ETV1: variants seen among roughly 807,000 people sequenced by gnomAD.
ETV1 encodes the protein ETS translocation variant 1.
ETV1 carries 27 observed loss-of-function variants against 62.3 expected under a neutral mutation model. The ratio of observed to expected loss-of-function variants is 0.43; its 90% CI spans 0.32 to 0.60. The LOEUF is 0.60. Ranked by LOEUF, ETV1 falls within the 20% of genes least tolerant of loss-of-function variation. ETV1 has a pLI of 0.06. For missense variants in ETV1, 605 were observed against 605.8 expected, an observed-to-expected ratio of 1.00 and a Z score of 0.01; for synonymous variants, 222 against 199.6, an observed-to-expected ratio of 1.11 and a Z score of -0.94.
In ETV1 at chr7:13,953,010, G is replaced by T. The variant is rs1789008819; in HGVS notation, c.236-13764C>A. Among the ~76,000 whole-genome samples the T allele has an allele frequency of 4.6e-5, 7 of 152,276 alleles. No individual in the cohort carries two copies. In the South Asian group the frequency reaches 1.2e-3, roughly 27 times the overall value. On this transcript the variant is annotated intron_variant, in intron 6 of 13. Coordinates refer to ENST00000430479, the MANE Select transcript of ETV1 (RefSeq NM_004956.5). ...AAAGGATAAGAACAGGGAAAGGAAG[G>T]CCTAATGTATGAACAATCCAAATCT...
chr7:13,945,975 G>C (rs1263956068), intron 6 of ETV1, among the ~76,000 whole-genome samples: 3 of 152,172 alleles, frequency 2.0e-5, no homozygotes, highest in African/African-American at 7.2e-5. Flanking sequence ...GAGGCTGCTA[G>C]GTACTTTTCA....
chr7:13,918,600 AATC>A (rs201091089), intron 9 of ETV1, among the ~76,000 whole-genome samples: 7,702 of 152,084 alleles, frequency 0.051, 240 homozygotes, highest in East Asian at 0.14. Flanking sequence ...TGAAATTGGA[AATC>A]ATCATTCTCA....
intron 6 of ETV1, among the ~76,000 whole-genome samples, chr7:13,973,006 C>G (rs2128495363): frequency 6.6e-6 from 1 of 152,318 alleles, no homozygotes; most frequent in South Asian, 2.1e-4. Context: ...TTCCACATTT[C>G]CAATTAAAAT....
intron 8 of ETV1, among the ~76,000 whole-genome samples, chr7:13,933,682 T>G (rs1303104090): frequency 6.6e-6 from 1 of 152,222 alleles, no homozygotes; most frequent in Non-Finnish European, 1.5e-5. Flanking sequence ...CTGTCATTTG[T>G]TGGCCAGAGC....
At chr7:13,896,722 A>C (rs2128400370) in intron 13 of ETV1, among the ~76,000 whole-genome samples, 1 of 129,722 alleles carries the variant, frequency 7.7e-6, no homozygotes, top group Admixed American at 8.2e-5. Flanking sequence ...GGAGAGAGAA[A>C]GAAAAAGAAA....
rs527451943 is a variant in ETV1, at chr7:13,987,853, G to A, written c.133+233C>T. Among the ~76,000 whole-genome samples the A allele has an allele frequency of 2.0e-5, 3 of 152,268 alleles. No homozygotes were observed. In the East Asian group the frequency reaches 5.8e-4, roughly 29 times the overall value. ...AACACAAAACAATGATTAAAAGAAG[G>A]TTGTCATTGAGAAGTTTTTATTTCC... On this transcript the variant is annotated intron_variant, in intron 4 of 13. Coordinates refer to ENST00000430479, the MANE Select transcript of ETV1 (RefSeq NM_004956.5).
chr7:13,922,240 A>G (rs1784921196), intron 9 of ETV1, among the ~76,000 whole-genome samples: 1 of 152,138 alleles, frequency 6.6e-6, no homozygotes, highest in Non-Finnish European at 1.5e-5. Flanking sequence ...GGGCCTTGAG[A>G]TAGACTGTTG....
chr7:13,965,806 A>T (rs1321946055), intron 6 of ETV1, among the ~76,000 whole-genome samples: 8 of 152,180 alleles, frequency 5.3e-5, no homozygotes, highest in Non-Finnish European at 1.0e-4. Flanking sequence ...TAGCCCTCAA[A>T]GAAAAATAAA....
At chr7:13,956,301 C>T (rs1019801533) in intron 6 of ETV1, among the ~76,000 whole-genome samples, 2 of 151,710 alleles carry the variant, frequency 1.3e-5, no homozygotes, top group Non-Finnish European at 2.9e-5. Flanking sequence ...GATACAACCT[C>T]CCAGCTGCTA....
intron 6 of ETV1, among the ~76,000 whole-genome samples, chr7:13,955,322 C>T (rs1203155671): frequency 2.0e-5 from 3 of 152,126 alleles, no homozygotes; most frequent in Non-Finnish European, 4.4e-5. Flanking sequence ...TAAGAATCCC[C>T]CCTCAAAATA....
intron 6 of ETV1, among the ~76,000 whole-genome samples, chr7:13,940,304 G>A (rs1280833532): frequency 6.6e-6 from 1 of 151,438 alleles, no homozygotes; most frequent in Admixed American, 6.6e-5. Context: ...GGAGGTTGCA[G>A]TGAGCCGAGA....
At chr7:13,952,576 T>C (rs889786879) in intron 6 of ETV1, among the ~76,000 whole-genome samples, 2 of 152,106 alleles carry the variant, frequency 1.3e-5, no homozygotes, top group African/African-American at 4.8e-5. Context: ...ATAATGCACG[T>C]TAGAAAGAGG....
At chr7:13,912,175 A>G (rs1783631613) in intron 9 of ETV1, among the ~76,000 whole-genome samples, 1 of 152,210 alleles carries the variant, frequency 6.6e-6, no homozygotes, top group Non-Finnish European at 1.5e-5. Flanking sequence ...GCCAGAGGAA[A>G]ACAGATAGGC....
chr7:13,917,915 G>A (rs1186569262), intron 9 of ETV1, among the ~76,000 whole-genome samples: 1 of 151,964 alleles, frequency 6.6e-6, no homozygotes, highest in African/African-American at 2.4e-5. Context: ...AGTGAGCCGA[G>A]ATCATGCCAC....
chr7:13,969,167 TG>T (rs1780614101), intron 6 of ETV1, among the ~76,000 whole-genome samples: 1 of 152,136 alleles, frequency 6.6e-6, no homozygotes, highest in South Asian at 2.1e-4. Context: ...TAATCAGCAT[TG>T]GGAAGTTCCT....
chr7:13,903,717 C>T (rs1381812467), intron 12 of ETV1, among the ~76,000 whole-genome samples: 3 of 144,824 alleles, frequency 2.1e-5, no homozygotes, highest in African/African-American at 5.2e-5. Flanking sequence ...GAGCCAAGGT[C>T]GCACCACTGC....
In ETV1 at chr7:13,977,627, ATT is replaced by A; in HGVS notation, c.182-149_182-148del. On this transcript the variant is annotated intron_variant, in intron 5 of 13. Coordinates refer to ENST00000430479, the MANE Select transcript of ETV1 (RefSeq NM_004956.5). ...CCAATGAGCTCCTATTTAAAATGGT[ATT>A]GACAACACTACTTAGGAGGAGAAAT... 4.8e-6 allele frequency: 3 copies of A among 623,094 alleles called. No homozygotes were observed. The East Asian group carries it at 8.3e-5, about 17-fold the overall frequency. The allele number at this position is 623,094 out of a possible 1,614,324, so 38.6% of individuals were successfully genotyped here.
chr7:13,910,578 T>C lies in ETV1; in HGVS notation c.871+661A>G, dbSNP rs992880444. ...CAATATTAGACCTAGCCTAAAAGAA[T>C]GCATCCAAGTCAATCCTATTAAAGA... On this transcript the variant is annotated intron_variant, in intron 10 of 13. Coordinates refer to ENST00000430479, the MANE Select transcript of ETV1 (RefSeq NM_004956.5). 3 of 315,156 alleles carry C rather than the reference T, an allele frequency of 9.5e-6. No individual in the cohort carries two copies. In the East Asian group the frequency reaches 5.1e-4, roughly 53 times the overall value. 19.5% of individuals were successfully genotyped at this position (315,156 alleles called of 1,614,324 possible). A position where few individuals can be genotyped will look rare whatever the true frequency, so the allele number is the denominator to read the frequency against.
At position 13,931,558 on chromosome 7, in the gene ETV1, C is replaced by G. The variant is rs753499919; in HGVS notation, c.746G>C (p.Ser249Thr). 6.2e-7 allele frequency: 1 copy of G among 1,614,060 alleles called. No homozygotes were observed. Among genetic ancestry groups the G allele is most frequent in the Non-Finnish European group, 8.5e-7 (1 of 1,179,900 alleles). Residue 249 changes from serine to threonine, a missense_variant, in exon 9 of 14, where the codon AGC (serine) becomes ACC (threonine). Ser to Thr is a moderately conservative substitution (Grantham distance 58). Coordinates refer to ENST00000430479, the MANE Select transcript of ETV1 (RefSeq NM_004956.5). ...TTTAATCATCAGAGGAGGGGGAAAG[C>G]TTTGGCTGGCCGCACTGCCAACCAT... ...NTMVGSAASQ[S>T]FPPPLMIKQE...
Sources: gnomAD v4.1 joint callset for allele counts (sites outside exome capture counted in the v4.1 genomes callset) on GRCh38, gnomAD v4.1.1 for gene constraint, MANE v1.5 for transcripts, NCBI Gene and HGNC (gene_info 2026-07-23, HGNC 2026-07-21) for gene names.